CPD: variants seen among roughly 807,000 people sequenced by gnomAD.
The protein encoded by CPD is carboxypeptidase D, also known as metallocarboxypeptidase D.
CPD carries 69 observed loss-of-function variants against 138.3 expected under a neutral mutation model. The ratio of observed to expected loss-of-function variants is 0.50; its 90% CI spans 0.41 to 0.61. The LOEUF (loss-of-function observed/expected upper bound fraction) is 0.61, where lower values mean the gene tolerates loss of function less well. CPD is among the 20% of genes least tolerant of loss of function. CPD has a pLI of 0.00. For missense variants in CPD, 1,432 were observed against 1,733.3 expected (o/e 0.83, Z 3.09); for synonymous variants, 651 against 642.1 (o/e 1.01, Z -0.21).
At chr17:30,405,805 A>G (rs1911788044) in intron 2 of CPD, among the ~76,000 whole-genome samples, 1 of 152,132 alleles carries the variant, frequency 6.6e-6, no homozygotes, top group Admixed American at 6.6e-5. Context: ...AGTTACTGGT[A>G]CAGTTTAACT....
chr17:30,430,744 C>G (rs1053493416), intron 7 of CPD, among the ~76,000 whole-genome samples: 2 of 152,124 alleles, frequency 1.3e-5, no homozygotes, highest in Non-Finnish European at 2.9e-5. Context: ...GCCTCAAACT[C>G]CTGAGCTCAG....
chr17:30,461,814 C>G lies in CPD; in HGVS notation c.3631-63C>G, dbSNP rs1370776349. 12 of 1,392,326 alleles carry G rather than the reference C, an allele frequency of 8.6e-6. No homozygotes were observed. The Admixed American group carries it at 2.4e-4, about 28-fold the overall frequency. 86.2% of individuals were successfully genotyped at this position (1,392,326 alleles called of 1,614,324 possible). On this transcript the variant is annotated intron_variant, in intron 18 of 20. Coordinates refer to ENST00000225719, the MANE Select transcript of CPD (RefSeq NM_001304.5). Reference sequence around the variant, plus strand: ...TGGTTGGTTTTGGTCATGCCTCAAGCTAGTGCCTCTACCATGTCTGGCATT... The same window carrying G: ...TGGTTGGTTTTGGTCATGCCTCAAGGTAGTGCCTCTACCATGTCTGGCATT...
intron 2 of CPD, among the ~76,000 whole-genome samples, chr17:30,406,094 T>C (rs1911795194): frequency 6.6e-6 from 1 of 152,088 alleles, no homozygotes; most frequent in Non-Finnish European, 1.5e-5. Flanking sequence ...TATTGATTTT[T>C]ATATTGTTTT....
In CPD at chr17:30,461,246, A is replaced by C; in HGVS notation, c.3565A>C (p.Ser1189Arg). 1 of 1,612,410 alleles carries C rather than the reference A, an allele frequency of 6.2e-7. No homozygotes were observed. The highest frequency in any genetic ancestry group is 2.2e-5 in the East Asian group (1 of 44,778). ...TVYTSCCYFP[S>R]AARLPSLWAD... is the part of the protein sequence containing the mutation. ...ATACACAAGCTGCTGTTACTTTCCTAGTGCTGCACGACTCCCTTCCTTGTG... is the reference window on the plus strand; with the variant it reads ...ATACACAAGCTGCTGTTACTTTCCTCGTGCTGCACGACTCCCTTCCTTGTG... The change falls in exon 18 of 21, where the codon AGT becomes CGT. Residue 1189 changes from serine (S) to arginine (R), a missense_variant. Ser to Arg is a moderately radical substitution (Grantham distance 110). Coordinates refer to ENST00000225719, the MANE Select transcript of CPD (RefSeq NM_001304.5).
At chr17:30,457,586 A>C (rs1016200169) in intron 17 of CPD, among the ~76,000 whole-genome samples, 6 of 151,832 alleles carry the variant, frequency 4.0e-5, no homozygotes, top group Non-Finnish European at 7.4e-5. Context: ...CAGCAGCTGC[A>C]CCATTTTACA....
At chr17:30,436,696 A>G (rs965492212) in intron 8 of CPD, among the ~76,000 whole-genome samples, 14 of 152,232 alleles carry the variant, frequency 9.2e-5, no homozygotes, top group Non-Finnish European at 1.8e-4. Context: ...ACTGCTTTGA[A>G]AAACAGTCTG....
chr17:30,384,088 A>C (rs952998585), intron 1 of CPD, among the ~76,000 whole-genome samples: 2 of 152,146 alleles, frequency 1.3e-5, no homozygotes, highest in African/African-American at 4.8e-5. Context: ...ATGTCAATTT[A>C]TTTTTTTAAT....
At chr17:30,401,633 G>A (rs540095395) in intron 2 of CPD, among the ~76,000 whole-genome samples, 14 of 152,120 alleles carry the variant, frequency 9.2e-5, no homozygotes, top group South Asian at 2.1e-4. Context: ...ACAGGCACGT[G>A]TCACAACACC....
At chr17:30,398,504 A>T (rs189009634) in intron 2 of CPD, among the ~76,000 whole-genome samples, 64 of 152,302 alleles carry the variant, frequency 4.2e-4, no homozygotes, top group African/African-American at 1.4e-3. Flanking sequence ...TATTAACTGA[A>T]TCTGGCAGTA....
chr17:30,398,166 A>G (rs1911558953), intron 2 of CPD, among the ~76,000 whole-genome samples: 1 of 152,164 alleles, frequency 6.6e-6, no homozygotes, highest in Non-Finnish European at 1.5e-5. Context: ...AAACAAATTG[A>G]AGATCATTGG....
chr17:30,461,116 A>G, intron 17 of CPD, 64 bp from the exon 18 acceptor site: 1 of 1,320,690 alleles, frequency 7.6e-7, no homozygotes, highest in Non-Finnish European at 1.0e-6. Flanking sequence ...GTTGTATTAC[A>G]AAGCCTTATT....
In CPD at chr17:30,386,346, C is replaced by T. The variant is rs369890608; in HGVS notation, c.994+1110C>T. Among the ~76,000 whole-genome samples the T allele has an allele frequency of 4.9e-4, 75 of 152,252 alleles. 1 individual carries two copies. The highest frequency in any genetic ancestry group is 1.6e-3 in the African/African-American group (67 of 41,538). On this transcript the variant is annotated intron_variant, in intron 2 of 20. Transcript: ENST00000225719. The stretch of plus-strand genomic sequence containing the variant: ...ACCCAGCCCAGATCTCTCCATTTTA[C>T]ATAAAGGCACATTTTCCTTTTGTAT...
Position 30,385,245 on chromosome 17 carries a change from A to G in CPD, c.994+9A>G, listed in dbSNP as rs1200756612. 6.2e-7 allele frequency: 1 copy of G among 1,612,738 alleles called. No homozygotes were observed. Among genetic ancestry groups the G allele is most frequent in the East Asian group, 2.2e-5 (1 of 44,842 alleles). ...TTGGTATGATGTGGAAGGTATGCAA[A>G]GCATTGAGTTTGCTACATTTTCCCC... On this transcript the variant is annotated intron_variant, in intron 2 of 20. Coordinates refer to ENST00000225719, the MANE Select transcript of CPD (RefSeq NM_001304.5).
intron 7 of CPD, among the ~76,000 whole-genome samples, chr17:30,429,902 G>A (rs1028501888): frequency 6.6e-6 from 1 of 152,098 alleles, no homozygotes; most frequent in Admixed American, 6.5e-5. Context: ...TACCAGGAAG[G>A]TGCCTTTCTC....
At chr17:30,463,488 C>T (rs891239468) in intron 20 of CPD, among the ~76,000 whole-genome samples, 6 of 152,078 alleles carry the variant, frequency 3.9e-5, no homozygotes, top group Admixed American at 6.6e-5. Flanking sequence ...ATATTAGTTC[C>T]GCTTTTTCAA....
intron 2 of CPD, among the ~76,000 whole-genome samples, chr17:30,396,869 A>G (rs1321404605): frequency 8.5e-6 from 1 of 117,496 alleles, no homozygotes; most frequent in African/African-American, 3.2e-5. Flanking sequence ...CTCTCTCTTA[A>G]TTTTTAGATC....
rs774781129 is a variant in CPD, at chr17:30,449,634, A to C, written c.2955A>C (p.Pro985=). 8.1e-6 allele frequency: 13 copies of C among 1,610,852 alleles called. No homozygotes were observed. The Admixed American group carries it at 1.9e-4, about 23-fold the overall frequency. ...NKPNVSEPEE[P]KIRFVAGIHG... is the part of the protein sequence containing the mutation. ...CCAATGTATCTGAGCCTGAAGAACC[A>C]AAGATTCGTTTTGTTGCTGGTATCC... Residue 985 remains proline (P), a synonymous_variant, in exon 13 of 21, where the codon CCA becomes CCC. Transcript: ENST00000225719.
chr17:30,408,808 T>C (rs143064151), intron 2 of CPD, among the ~76,000 whole-genome samples: 4,349 of 152,224 alleles, frequency 0.029, 204 homozygotes, highest in African/African-American at 0.099. Context: ...TTTCTTTCTC[T>C]TGCCTGATTG....
At position 30,384,955 on chromosome 17, in the gene CPD, T is replaced by A; in HGVS notation, c.747-34T>A. On this transcript the variant is annotated intron_variant, in intron 1 of 20. Transcript: ENST00000225719. ...TAATGCATGGTGTTTTGTGTCCTTTTTTAGTGATACGTGATTTGGTTGTAT... is the reference window on the plus strand; with the variant it reads ...TAATGCATGGTGTTTTGTGTCCTTTATTAGTGATACGTGATTTGGTTGTAT... 3.1e-6 allele frequency: 5 copies of A among 1,594,028 alleles called. No homozygotes were observed. The South Asian group carries it at 5.6e-5, about 18-fold the overall frequency.
Sources: allele counts gnomAD v4.1 joint callset (sites outside exome capture counted in the v4.1 genomes callset), GRCh38; gene constraint gnomAD v4.1.1; transcripts MANE v1.5; gene names NCBI Gene and HGNC (gene_info 2026-07-23, HGNC 2026-07-21).